C8A: variants seen among roughly 807,000 people sequenced by gnomAD.
The protein encoded by C8A is complement component C8 alpha chain.
A neutral mutation model predicts 65.3 loss-of-function variants in C8A; 67 were observed. The ratio of observed to expected loss-of-function variants is 1.03; its 90% CI spans 0.84 to 1.26. C8A has a LOEUF of 1.26. C8A is among the 50% of genes most tolerant of loss of function. The pLI is 0.00. For missense variants in C8A, 781 were observed against 723.9 expected, an observed-to-expected ratio of 1.08 and a Z score of -0.90; for synonymous variants, 290 against 259.4, an observed-to-expected ratio of 1.12 and a Z score of -1.13.
rs374176234 is a variant in C8A at position 56,881,479 on chromosome 1, G to A, written c.499G>A (p.Val167Met). 2.8e-5 allele frequency: 45 copies of A among 1,613,662 alleles called. No individual in the cohort carries two copies. In the African/African-American group the frequency reaches 5.1e-4, roughly 18 times the overall value. ...NILTQEDAQSVYDASYYGGQC... is the reference protein window; with the variant it reads ...NILTQEDAQSMYDASYYGGQC... The stretch of plus-strand genomic sequence containing the variant: ...CCTGACCCAGGAAGATGCTCAGAGT[G>A]TGTACGATGCCAGTTATTATGGGGG... Residue 167 changes from valine (V) to methionine (M), a missense_variant, in exon 5 of 11, where the codon GTG (valine) becomes ATG (methionine). By Grantham distance (21) the Val-to-Met change is conservative. Coordinates refer to ENST00000361249, the MANE Select transcript of C8A (RefSeq NM_000562.3).
chr1:56,878,510 ACCC>A (rs1197391227), intron 4 of C8A, among the ~76,000 whole-genome samples: 13 of 152,258 alleles, frequency 8.5e-5, no homozygotes, highest in Admixed American at 2.0e-4. Context: ...AGTGTGCTTC[ACCC>A]ACACTGAATA....
At chr1:56,907,151 G>T (rs1343360849) in intron 8 of C8A, among the ~76,000 whole-genome samples, 1 of 152,130 alleles carries the variant, frequency 6.6e-6, no homozygotes, top group African/African-American at 2.4e-5. Context: ...GAGAGAATAT[G>T]GTACCGAGTC....
chr1:56,873,584 C>CTA (rs1644168798), intron 2 of C8A, among the ~76,000 whole-genome samples: 1 of 152,070 alleles, frequency 6.6e-6, no homozygotes, highest in Non-Finnish European at 1.5e-5. Context: ...AGAAACTGAG[C>CTA]CACAAAGTAC....
At chr1:56,900,652 T>G (rs532125010) in intron 7 of C8A, among the ~76,000 whole-genome samples, 1 of 134,204 alleles carries the variant, frequency 7.5e-6, no homozygotes, top group South Asian at 2.6e-4. Context: ...AGCATATTAA[T>G]CTAGCATGAG....
intron 2 of C8A, among the ~76,000 whole-genome samples, chr1:56,870,379 A>T (rs531487658): frequency 1.3e-5 from 2 of 152,186 alleles, no homozygotes; most frequent in Non-Finnish European, 2.9e-5. Flanking sequence ...TGGCATTGAC[A>T]ATCCTTACCT....
chr1:56,903,620 G>A (rs1405889125), intron 7 of C8A, among the ~76,000 whole-genome samples: 1 of 152,114 alleles, frequency 6.6e-6, no homozygotes, highest in Non-Finnish European at 1.5e-5. Flanking sequence ...GAGTAGATAT[G>A]ATGGAACTGG....
At chr1:56,885,225 T>A (rs1485618399) in intron 6 of C8A, among the ~76,000 whole-genome samples, 1 of 149,886 alleles carries the variant, frequency 6.7e-6, no homozygotes, top group Admixed American at 6.7e-5. Context: ...TGAAATATAG[T>A]AGTACTCCAA....
At chr1:56,888,307 T>G (rs901849486) in intron 7 of C8A, among the ~76,000 whole-genome samples, 3 of 152,032 alleles carry the variant, frequency 2.0e-5, no homozygotes, top group Non-Finnish European at 4.4e-5. Flanking sequence ...CTGGCTAGAG[T>G]CATTCATTAA....
At chr1:56,872,549 T>C (rs76570168) in intron 2 of C8A, among the ~76,000 whole-genome samples, 4,847 of 152,056 alleles carry the variant, frequency 0.032, 91 homozygotes, top group Non-Finnish European at 0.039. Context: ...GTATGAATTG[T>C]GGGAAAAAGG....
At position 56,918,014 on chromosome 1, in the gene C8A, A is replaced by G. The variant is rs1286543634; in HGVS notation, c.*298A>G. On this transcript the variant is annotated 3_prime_UTR_variant, in exon 11 of 11. Transcript: ENST00000361249. The stretch of plus-strand genomic sequence containing the variant: ...TAAAATAGAAAACTGAGAAAACTCA[A>G]TCCATGACCAGGGAGAACTTACAGG... 4 of 301,266 alleles carry G rather than the reference A, an allele frequency of 1.3e-5. No homozygotes were observed. Among genetic ancestry groups the G allele is most frequent in the African/African-American group, 4.3e-5 (2 of 45,984 alleles). The allele number at this position is 301,266 out of a possible 1,614,324, so 18.7% of individuals were successfully genotyped here. A position where few individuals can be genotyped will look rare whatever the true frequency, so the allele number is the denominator to read the frequency against.
intron 2 of C8A, among the ~76,000 whole-genome samples, chr1:56,871,637 A>C (rs373330603): frequency 6.6e-6 from 1 of 152,202 alleles, no homozygotes; most frequent in Admixed American, 6.5e-5. Flanking sequence ...AACTCAGCTC[A>C]AAATGGGTTT....
intron 2 of C8A, among the ~76,000 whole-genome samples, chr1:56,871,399 T>C (rs919978468): frequency 6.6e-6 from 1 of 152,224 alleles, no homozygotes; most frequent in African/African-American, 2.4e-5. Context: ...CTTCAATTCC[T>C]TTTGAAGTAG....
intron 7 of C8A, among the ~76,000 whole-genome samples, chr1:56,889,965 G>A (rs921260606): frequency 1.3e-5 from 2 of 152,176 alleles, no homozygotes; most frequent in South Asian, 2.1e-4. Context: ...GTATCAGTAC[G>A]GTTTGGGGCT....
rs1267136828 is a variant in C8A, at chr1:56,902,757, A to G, written c.1097-3910A>G. ...ATCAGGCAGTCTTTATCCTTTTGTGACTGGCTTATTTCATATAGCAGTATA... is the reference window on the plus strand; with the variant it reads ...ATCAGGCAGTCTTTATCCTTTTGTGGCTGGCTTATTTCATATAGCAGTATA... On this transcript the variant is annotated intron_variant, in intron 7 of 10. Coordinates refer to ENST00000361249, the MANE Select transcript of C8A (RefSeq NM_000562.3). 2.6e-5 allele frequency among the ~76,000 whole-genome samples: 4 copies of G among 152,228 alleles called. No individual in the cohort carries two copies. In the East Asian group the frequency reaches 7.7e-4, roughly 29 times the overall value.
At chr1:56,915,713 G>A (rs1342848170) in intron 10 of C8A, among the ~76,000 whole-genome samples, 1 of 152,252 alleles carries the variant, frequency 6.6e-6, no homozygotes, top group East Asian at 1.9e-4. Flanking sequence ...AAACAGGGCA[G>A]AAGGAAGGTT....
chr1:56,912,718 T>G, intron 10 of C8A, 93 bp downstream of exon 10: 2 of 1,151,722 alleles, frequency 1.7e-6, no homozygotes, highest in Non-Finnish European at 2.6e-6. Context: ...CCCCTCCTTT[T>G]GGAGCTCTCC....
At chr1:56,862,565 A>G (rs1180928490) in intron 1 of C8A, among the ~76,000 whole-genome samples, 1 of 152,206 alleles carries the variant, frequency 6.6e-6, no homozygotes, top group Non-Finnish European at 1.5e-5. Flanking sequence ...TGCATATCTC[A>G]GGAACTGGTA....
chr1:56,906,055 T>C (rs1377969359), intron 7 of C8A, among the ~76,000 whole-genome samples: 4 of 152,128 alleles, frequency 2.6e-5, no homozygotes, highest in South Asian at 2.1e-4. Context: ...AAACTTTCCA[T>C]GGTGATCCAT....
Position 56,867,600 on chromosome 1 carries a change from T to C in C8A, c.78-9T>C. On this transcript the variant is annotated splice_polypyrimidine_tract_variant and intron_variant, in intron 1 of 10. Coordinates refer to ENST00000361249, the MANE Select transcript of C8A (RefSeq NM_000562.3). The stretch of plus-strand genomic sequence containing the variant: ...TCAAAATTGATGCATGGATCTTCCC[T>C]TTCTTTAGGAGAGTAAGACGGGCAG... 6.2e-7 allele frequency: 1 copy of C among 1,609,548 alleles called. No homozygotes were observed. The highest frequency in any genetic ancestry group is 8.5e-7 in the Non-Finnish European group (1 of 1,175,980).
Sources: gnomAD v4.1 joint callset for allele counts (sites outside exome capture counted in the v4.1 genomes callset) on GRCh38, gnomAD v4.1.1 for gene constraint, MANE v1.5 for transcripts, NCBI Gene and HGNC (gene_info 2026-07-23, HGNC 2026-07-21) for gene names.